The following PDE10A variants were observed in gnomAD, a reference collection of about 807,000 sequenced individuals.
The protein encoded by PDE10A is phosphodiesterase 10A.
PDE10A carries 39 observed loss-of-function variants against 97.7 expected under a neutral mutation model. The ratio of observed to expected loss-of-function variants is 0.40; its 90% CI spans 0.31 to 0.52. The LOEUF (loss-of-function observed/expected upper bound fraction) is 0.52. Ranked by LOEUF, PDE10A falls within the 20% of genes least tolerant of loss-of-function variation. The probability of loss-of-function intolerance (pLI) is 0.56; values close to 1 mark genes in which losing one functional copy is unlikely to be tolerated. For missense variants in PDE10A, 731 were observed against 1,047.8 expected (o/e 0.70, Z 4.17); for synonymous variants, 371 against 376.8 (o/e 0.98, Z 0.18).
At chr6:165,691,071 C>A (rs1484033301) in intron 1 of PDE10A, among the ~76,000 whole-genome samples, 1 of 84,554 alleles carries the variant, frequency 1.2e-5, no homozygotes, top group Non-Finnish European at 2.0e-5. Context: ...TACTCTCTCT[C>A]TCTTTCTCTC....
intron 2 of PDE10A, among the ~76,000 whole-genome samples, chr6:165,494,349 G>GA (rs1030134155): frequency 9.9e-5 from 15 of 151,052 alleles, no homozygotes; most frequent in Middle Eastern, 6.8e-3. Context: ...GGTCATTATA[G>GA]AAAAAAGATA....
At chr6:165,922,778 C>T (rs1040417175) in intron 1 of PDE10A, among the ~76,000 whole-genome samples, 6 of 152,188 alleles carry the variant, frequency 3.9e-5, no homozygotes, top group African/African-American at 1.2e-4. Flanking sequence ...GATAGATCTG[C>T]TCACAACTGT....
At chr6:165,376,628 A>G (rs1355245143) in intron 18 of PDE10A, among the ~76,000 whole-genome samples, 1 of 152,234 alleles carries the variant, frequency 6.6e-6, no homozygotes, top group East Asian at 1.9e-4. Flanking sequence ...AAACTGCCAC[A>G]TCCAGGCTGG....
At chr6:165,434,767 C>G (rs1220129041) in intron 6 of PDE10A, among the ~76,000 whole-genome samples, 1 of 152,160 alleles carries the variant, frequency 6.6e-6, no homozygotes, top group African/African-American at 2.4e-5. Context: ...TAACTCATGG[C>G]CAGCTGACCT....
At chr6:165,699,457 G>A (rs1032468782) in intron 1 of PDE10A, among the ~76,000 whole-genome samples, 1 of 152,010 alleles carries the variant, frequency 6.6e-6, no homozygotes, top group Non-Finnish European at 1.5e-5. Context: ...AGATCAACAG[G>A]GAAATAGAAG....
chr6:165,484,991 A>G (rs950197793), intron 2 of PDE10A, among the ~76,000 whole-genome samples: 9 of 152,318 alleles, frequency 5.9e-5, no homozygotes, highest in South Asian at 4.1e-4. Flanking sequence ...AGAAGACTCC[A>G]AGACTGCCAA....
At chr6:165,370,419 G>T (rs1784152449) in intron 18 of PDE10A, among the ~76,000 whole-genome samples, 1 of 149,462 alleles carries the variant, frequency 6.7e-6, no homozygotes, top group South Asian at 2.2e-4. Context: ...AAAAGGCAGG[G>T]GTTGCAATCC....
chr6:165,884,911 G>A (rs928677092), intron 1 of PDE10A, among the ~76,000 whole-genome samples: 4 of 152,208 alleles, frequency 2.6e-5, no homozygotes, highest in African/African-American at 9.7e-5. Context: ...TAAACACAGA[G>A]GGAGGGAAGA....
intron 1 of PDE10A, among the ~76,000 whole-genome samples, chr6:165,828,006 C>G (rs1779808403): frequency 6.6e-6 from 1 of 152,200 alleles, no homozygotes; most frequent in African/African-American, 2.4e-5. Context: ...CCCACAGAAT[C>G]TGTTCTAGAC....
chr6:165,738,136 A>G (rs1792627202), intron 1 of PDE10A, among the ~76,000 whole-genome samples: 1 of 147,610 alleles, frequency 6.8e-6, no homozygotes, highest in Admixed American at 6.7e-5. Context: ...AGCAATAGGT[A>G]TATCTCCCAG....
chr6:165,461,977 T>C (rs568341048), intron 3 of PDE10A, among the ~76,000 whole-genome samples: 12 of 152,376 alleles, frequency 7.9e-5, no homozygotes, highest in Admixed American at 7.8e-4. Flanking sequence ...GACTAGCTTA[T>C]GTACATGTAT....
chr6:165,730,564 C>T (rs1792404439), intron 1 of PDE10A, among the ~76,000 whole-genome samples: 1 of 151,310 alleles, frequency 6.6e-6, no homozygotes, highest in South Asian at 2.1e-4. Flanking sequence ...CCAGCCTGGC[C>T]AACATGGTGA....
rs1257754571 is a variant in PDE10A, at chr6:165,662,421, G to A, written c.391C>T (p.Pro131Ser). The change falls in exon 1 of 22, where the codon CCC (proline) becomes TCC (serine). Residue 131 changes from proline (P) to serine (S), a missense_variant. By Grantham distance (74) the Pro-to-Ser change is moderately conservative. Around this residue, in one of 8 missense-constraint regions of PDE10A, gnomAD observed 181 missense variants for 159.1 expected, o/e 1.14. Coordinates refer to ENST00000539869, the MANE Select transcript of PDE10A (RefSeq NM_001385079.1). ...GGGAGGTGAAAGGCAGATGAGGAGG[G>A]GAGAAAAGAGGGAGGGGGCGGGGGG... ...PPPPPPPSFLPSSSAFHLPVR... is the reference protein window; with the variant it reads ...PPPPPPPSFLSSSSAFHLPVR... 6.6e-6 allele frequency: 1 copy of A among 150,708 alleles called. No individual in the cohort carries two copies. Among genetic ancestry groups the A allele is most frequent in the African/African-American group, 2.4e-5 (1 of 41,172 alleles). The allele number at this position is 150,708 out of a possible 1,614,324, so 9.3% of individuals were successfully genotyped here.
intron 1 of PDE10A, among the ~76,000 whole-genome samples, chr6:165,791,738 C>T (rs772122421): frequency 2.8e-4 from 43 of 152,182 alleles, no homozygotes; most frequent in Non-Finnish European, 5.9e-4. Flanking sequence ...GAGTCTCCGG[C>T]CAGGTCAGCT....
chr6:165,461,096 C>CT (rs769448617), intron 3 of PDE10A, among the ~76,000 whole-genome samples: 3 of 22,226 alleles, frequency 1.3e-4, no homozygotes, highest in Non-Finnish European at 2.4e-4. Context: ...AGAGCTCCAA[C>CT]ATTTCCCCTT....
At chr6:165,535,941 T>G (rs1203090954) in intron 2 of PDE10A, among the ~76,000 whole-genome samples, 1 of 151,944 alleles carries the variant, frequency 6.6e-6, no homozygotes, top group African/African-American at 2.4e-5. Flanking sequence ...AAAATAACAT[T>G]GTTCACAGAA....
At chr6:165,719,231 G>T (rs1792102921) in intron 1 of PDE10A, among the ~76,000 whole-genome samples, 1 of 152,206 alleles carries the variant, frequency 6.6e-6, no homozygotes, top group Non-Finnish European at 1.5e-5. Context: ...CTGAAGTCCA[G>T]GAGTCTCATG....
intron 1 of PDE10A, among the ~76,000 whole-genome samples, chr6:165,768,737 C>A (rs1032508977): frequency 9.2e-5 from 14 of 152,082 alleles, no homozygotes; most frequent in African/African-American, 3.1e-4. Context: ...CCCTGAATGT[C>A]ATTTAAGGGC....
At chr6:165,460,172 G>C (rs903376351) in intron 3 of PDE10A, among the ~76,000 whole-genome samples, 18 of 152,176 alleles carry the variant, frequency 1.2e-4, no homozygotes, top group Admixed American at 8.5e-4. Context: ...CCTTCTGCCT[G>C]GGGAACCCCC....
Sources: gnomAD v4.1 joint callset for allele counts (sites outside exome capture counted in the v4.1 genomes callset) on GRCh38, gnomAD v4.1.1 for gene constraint, gnomAD v4.1.1 regional missense constraint, MANE v1.5 for transcripts, NCBI Gene and HGNC (gene_info 2026-07-23, HGNC 2026-07-21) for gene names.